CEP97: variants seen among roughly 807,000 people sequenced by gnomAD.
CEP97 encodes centrosomal protein of 97 kDa.
In CEP97, 43 loss-of-function variants were observed where a neutral mutation model predicts 73.1. The observed-to-expected ratio is 0.59, with a 90% CI of 0.46 to 0.76. The LOEUF is 0.76. Among genes scored for constraint, CEP97 ranks in the 30% least tolerant of loss-of-function variants. CEP97 has a pLI of 0.00. For synonymous variants in CEP97, 337 were observed against 370.0 expected, an observed-to-expected ratio of 0.91 and a Z score of 1.02; for missense variants, 939 against 1,014.0, an observed-to-expected ratio of 0.93 and a Z score of 1.00.
At chr3:101,724,924 C>CG (rs1389198566) in intron 1 of CEP97, among the ~76,000 whole-genome samples, 1 of 152,214 alleles carries the variant, frequency 6.6e-6, no homozygotes, top group African/African-American at 2.4e-5. Flanking sequence ...GAGGGCCGAG[C>CG]GGGGGACTAC....
chr3:101,727,650 G>A (rs933205045), intron 3 of CEP97, 109 bp downstream of exon 3: 2 of 787,414 alleles, frequency 2.5e-6, no homozygotes, highest in Non-Finnish European at 4.0e-6. Flanking sequence ...ACTCTCCAGG[G>A]ATAATCTCTG....
intron 6 of CEP97, among the ~76,000 whole-genome samples, chr3:101,753,863 G>T (rs1335979244): frequency 1.3e-5 from 2 of 152,148 alleles, no homozygotes; most frequent in African/African-American, 4.8e-5. Context: ...TCCTGAGTGA[G>T]GCAATGCCTC....
chr3:101,740,882 C>A (rs1372747626), intron 6 of CEP97, among the ~76,000 whole-genome samples: 1 of 152,224 alleles, frequency 6.6e-6, no homozygotes, highest in Non-Finnish European at 1.5e-5. Context: ...AGCCAGCGCA[C>A]CCGGTCCCAT....
At chr3:101,761,374 C>T (rs1018886023) in intron 9 of CEP97, among the ~76,000 whole-genome samples, 1 of 152,150 alleles carries the variant, frequency 6.6e-6, no homozygotes, top group Non-Finnish European at 1.5e-5. Flanking sequence ...GAATGGGTGA[C>T]TGACATGGGG....
chr3:101,738,995 T>C (rs975997330), intron 6 of CEP97, among the ~76,000 whole-genome samples: 1 of 151,976 alleles, frequency 6.6e-6, no homozygotes, highest in Non-Finnish European at 1.5e-5. Flanking sequence ...AAAGAGCATA[T>C]CACCGTTGAT....
At chr3:101,726,443 A>G in intron 1 of CEP97, 151 bp from the exon 2 acceptor site, 2 of 452,612 alleles carry the variant, frequency 4.4e-6, no homozygotes, top group Non-Finnish European at 7.4e-6. Context: ...AGAACTCAAG[A>G]TTGCTTTAAT....
intron 6 of CEP97, among the ~76,000 whole-genome samples, chr3:101,739,348 C>G (rs1938374911): frequency 6.6e-6 from 1 of 152,136 alleles, no homozygotes; most frequent in African/African-American, 2.4e-5. Flanking sequence ...ATACCAAAAC[C>G]TGGCAGAGAC....
At chr3:101,746,643 A>G (rs933256672) in intron 6 of CEP97, among the ~76,000 whole-genome samples, 1 of 152,066 alleles carries the variant, frequency 6.6e-6, no homozygotes, top group African/African-American at 2.4e-5. Flanking sequence ...CTAAAACACC[A>G]AAAGCAATGG....
In CEP97 at chr3:101,768,088, A is replaced by G. The variant is rs1245536900; in HGVS notation, c.*2537A>G. ...GTTCAGCTGTGCTATTTTAGTACAC[A>G]TCAGTTCTCTTGATTTATGGAAGAT... On this transcript the variant is annotated 3_prime_UTR_variant, in exon 11 of 11. Transcript: ENST00000341893. The G allele has an allele frequency of 6.6e-6, 1 of 152,164 alleles. No individual in the cohort carries two copies. 9.4% of individuals were successfully genotyped at this position (152,164 alleles called of 1,614,324 possible).
At chr3:101,732,042 T>C (rs1938130788) in intron 5 of CEP97, 89 bp downstream of exon 5, 1 of 754,644 alleles carries the variant, frequency 1.3e-6, no homozygotes, top group South Asian at 1.6e-5. Flanking sequence ...TTTTAGACTG[T>C]GAGCATCTTG....
intron 6 of CEP97, among the ~76,000 whole-genome samples, chr3:101,745,890 T>C (rs1199155656): frequency 6.6e-6 from 1 of 152,114 alleles, no homozygotes; most frequent in African/African-American, 2.4e-5. Context: ...TATCTCCCAA[T>C]GCTATCCCTC....
chr3:101,754,243 G>C (rs2466364), intron 6 of CEP97, among the ~76,000 whole-genome samples: 149,124 of 151,838 alleles, frequency 0.98, 73,270 homozygotes, highest in East Asian at 0.99. Context: ...ATTTTGAAGC[G>C]GATCTCAGAT....
chr3:101,740,841 G>A (rs1455383365), intron 6 of CEP97, among the ~76,000 whole-genome samples: 4 of 152,128 alleles, frequency 2.6e-5, no homozygotes, highest in Non-Finnish European at 5.9e-5. Flanking sequence ...CACCCGCCTC[G>A]GCCTCCCAAA....
chr3:101,745,533 T>A (rs1204345683), intron 6 of CEP97, among the ~76,000 whole-genome samples: 1 of 151,872 alleles, frequency 6.6e-6, no homozygotes, highest in Non-Finnish European at 1.5e-5. Flanking sequence ...CCCAAAGTGC[T>A]GGGATTACAG....
chr3:101,724,710 C>G lies in CEP97; in HGVS notation c.34C>G (p.Pro12Ala). The G allele has an allele frequency of 6.2e-7, 1 of 1,614,220 alleles. No homozygotes were observed. Among genetic ancestry groups the G allele is most frequent in the Non-Finnish European group, 8.5e-7 (1 of 1,180,032 alleles). ...GGCGCGCGTGGACGCGGCTTTGCCT[C>G]CCGGAGAAGGTAAGGCGATCCCTAC... ...AVARVDAALP[P>A]GEGSVVNWSG... Residue 12 changes from proline (P) to alanine (A), a missense_variant, in exon 1 of 11, where the codon CCC becomes GCC. Physicochemically the swap from Pro to Ala is conservative, Grantham distance 27. Coordinates refer to ENST00000341893, the MANE Select transcript of CEP97 (RefSeq NM_024548.4).
At chr3:101,759,066 G>T (rs1443725331) in intron 9 of CEP97, 1 of 152,444 alleles carries the variant, frequency 6.6e-6, no homozygotes, top group Non-Finnish European at 1.5e-5. Flanking sequence ...GATGAGAGGT[G>T]CCACAGAGAG....
At chr3:101,728,405 G>A (rs574929746) in intron 3 of CEP97, among the ~76,000 whole-genome samples, 6 of 151,996 alleles carry the variant, frequency 3.9e-5, no homozygotes, top group East Asian at 1.9e-4. Flanking sequence ...GATTACAGGC[G>A]CCTGCCCACC....
At position 101,767,928 on chromosome 3, in the gene CEP97, A is replaced by T. The variant is rs1939358538; in HGVS notation, c.*2377A>T. On this transcript the variant is annotated 3_prime_UTR_variant, in exon 11 of 11. Coordinates refer to ENST00000341893, the MANE Select transcript of CEP97 (RefSeq NM_024548.4). ...TTACATTATACTTTAAAAGTAATTT[A>T]TATAATTAAAATATTTGGTTTTAAC... The T allele has an allele frequency of 6.6e-6, 1 of 152,218 alleles. No individual in the cohort carries two copies. Among genetic ancestry groups the T allele is most frequent in the Non-Finnish European group, 1.5e-5 (1 of 68,040 alleles). The allele number at this position is 152,218 out of a possible 1,614,324, so 9.4% of individuals were successfully genotyped here.
chr3:101,751,652 C>G (rs1219594549), intron 6 of CEP97, among the ~76,000 whole-genome samples: 2 of 152,162 alleles, frequency 1.3e-5, no homozygotes, highest in Non-Finnish European at 2.9e-5. Flanking sequence ...GAATTGATCC[C>G]TTTACCATTA....
Sources: gnomAD v4.1 joint callset for allele counts (sites outside exome capture counted in the v4.1 genomes callset) on GRCh38, gnomAD v4.1.1 for gene constraint, MANE v1.5 for transcripts, NCBI Gene and HGNC (gene_info 2026-07-23, HGNC 2026-07-21) for gene names.